Variants in NOTCH1 observed in about 807,000 individuals in gnomAD.
The protein encoded by NOTCH1 is notch receptor 1.
In NOTCH1, 37 loss-of-function variants were observed where a neutral mutation model predicts 254.8. That is an observed-to-expected ratio of 0.15 (90% confidence interval 0.11 to 0.19). NOTCH1 has a LOEUF of 0.19. Among genes scored for constraint, NOTCH1 ranks in the 10% least tolerant of loss-of-function variants. The pLI, the probability that NOTCH1 is intolerant of heterozygous loss-of-function variation, is 1.00. For missense variants in NOTCH1, 2,972 were observed against 3,708.6 expected, an observed-to-expected ratio of 0.80 and a Z score of 5.16; for synonymous variants, 1,731 against 1,618.1, an observed-to-expected ratio of 1.07 and a Z score of -1.68.
intron 2 of NOTCH1, among the ~76,000 whole-genome samples, chr9:136,525,053 G>A (rs1589073490): frequency 6.6e-6 from 1 of 152,298 alleles, no homozygotes; most frequent in East Asian, 1.9e-4. Context: ...TCAGCCCCCA[G>A]ACACGTTTCC....
In NOTCH1 at chr9:136,531,766, T is replaced by C. The variant is rs1002499772; in HGVS notation, c.141-7787A>G. Among the ~76,000 whole-genome samples, 7 of 152,052 alleles carry C rather than the reference T, an allele frequency of 4.6e-5. No individual in the cohort carries two copies. In the East Asian group the frequency reaches 1.4e-3, roughly 29 times the overall value. On this transcript the variant is annotated intron_variant, in intron 2 of 33. Coordinates refer to ENST00000651671, the MANE Select transcript of NOTCH1 (RefSeq NM_017617.5). ...GGGGCAGACGCCGCCCTCCTGCGCC[T>C]CCTCCCGCCTGTCCCGGGAAACCAC...
At chr9:136,541,743 T>C (rs1843735819) in intron 2 of NOTCH1, among the ~76,000 whole-genome samples, 1 of 152,186 alleles carries the variant, frequency 6.6e-6, no homozygotes, top group African/African-American at 2.4e-5. Context: ...CCCAGACTGC[T>C]GTGTGAGCCC....
chr9:136,507,550 C>G (rs1843108503), intron 21 of NOTCH1, 113 bp from the exon 22 acceptor site: 1 of 1,439,792 alleles, frequency 6.9e-7, no homozygotes, highest in African/African-American at 1.4e-5. Context: ...TCAGGTCCAG[C>G]GAAGCCACGG....
chr9:136,511,861 G>A (rs9411253), intron 15 of NOTCH1, among the ~76,000 whole-genome samples: 2 of 152,160 alleles, frequency 1.3e-5, no homozygotes, highest in African/African-American at 4.8e-5. Context: ...GGCCACGCAG[G>A]GTGTCTGGCA....
intron 4 of NOTCH1, among the ~76,000 whole-genome samples, chr9:136,520,461 C>A (rs1200479541): frequency 6.6e-6 from 1 of 152,122 alleles, no homozygotes; most frequent in African/African-American, 2.4e-5. Flanking sequence ...AGCCCTGGCG[C>A]GGTGGCTCAC....
chr9:136,497,750 A>G (rs1441423997), intron 33 of NOTCH1, among the ~76,000 whole-genome samples, 192 bp from the exon 34 acceptor site: 1 of 152,048 alleles, frequency 6.6e-6, no homozygotes, highest in East Asian at 1.9e-4. Flanking sequence ...TAAGGCTTTG[A>G]TACATCTTCT....
rs11574874 is a variant in NOTCH1 at position 136,522,702 on chromosome 9, C to T, written c.742+148G>A. On this transcript the variant is annotated intron_variant, in intron 4 of 33. Coordinates refer to ENST00000651671, the MANE Select transcript of NOTCH1 (RefSeq NM_017617.5). The stretch of plus-strand genomic sequence containing the variant: ...CCAGACGCGTCCCCCCGACACCACA[C>T]GCAGTCTGGGGAACTCGCCATCCCG... 9.2e-3 allele frequency: 6,908 copies of T among 749,518 alleles called. 39 individuals carry two copies. Among genetic ancestry groups the T allele is most frequent in the Non-Finnish European group, 0.012 (5,733 of 478,376 alleles). 46.4% of individuals were successfully genotyped at this position (749,518 alleles called of 1,614,324 possible). A position where few individuals can be genotyped will look rare whatever the true frequency, so the allele number is the denominator to read the frequency against.
In NOTCH1 at chr9:136,546,008, C is replaced by CCCCGCGG. The variant is rs1250655732; in HGVS notation, c.-223_-222insCCGCGGG. Among the ~76,000 whole-genome samples, 1 of 149,208 alleles carries CCCCGCGG rather than the reference C, an allele frequency of 6.7e-6. No homozygotes were observed. The highest frequency in any genetic ancestry group is 2.4e-5 in the African/African-American group (1 of 41,116). On this transcript the variant is annotated 5_prime_UTR_variant, in exon 1 of 34. Transcript: ENST00000651671. ...CTCGCGCCCGCGCCCGCGCCCCGCG[C>CCCCGCGG]CCCGCGCCCTTGCGCTCCCTCCCGC...
chr9:136,518,438 G>T lies in NOTCH1; in HGVS notation c.1100-146C>A. ...CATCCCGTGACACTTGGGACGTTCC[G>T]GGGGACTCACAGCGACCACCGGCCT... On this transcript the variant is annotated intron_variant, in intron 6 of 33. Coordinates refer to ENST00000651671, the MANE Select transcript of NOTCH1 (RefSeq NM_017617.5). The T allele has an allele frequency of 3.3e-6, 4 of 1,194,132 alleles. 1 individual carries two copies. In the South Asian group the frequency reaches 5.2e-5, roughly 16 times the overall value. 74.0% of individuals were successfully genotyped at this position (1,194,132 alleles called of 1,614,324 possible).
intron 8 of NOTCH1, 81 bp from the exon 9 acceptor site, chr9:136,517,466 C>G: frequency 9.7e-7 from 1 of 1,031,864 alleles, no homozygotes; most frequent in Admixed American, 2.0e-5. Context: ...GGGACAGAAA[C>G]GAACCCTGCC....
In NOTCH1 at chr9:136,496,589, G is replaced by C. The variant is rs375119074; in HGVS notation, c.7150C>G (p.Gln2384Glu). ...ATQPHLVQTQ[Q>E]VQPQNLQMQQ... Reference sequence around the variant, plus strand: ...ATCTGTAAGTTTTGTGGCTGCACCTGCTGGGTCTGCACCAGGTGAGGCTGG... The same window carrying C: ...ATCTGTAAGTTTTGTGGCTGCACCTCCTGGGTCTGCACCAGGTGAGGCTGG... Residue 2384 changes from glutamine to glutamate, a missense_variant, in exon 34 of 34, where the codon CAG (glutamine) becomes GAG (glutamate). Gln to Glu is a conservative substitution (Grantham distance 29). This residue lies in a region of NOTCH1 where 529 missense variants were observed against 529.2 expected (regional missense o/e 1.00). Transcript: ENST00000651671. The C allele has an allele frequency of 1.3e-5, 21 of 1,612,516 alleles. No individual in the cohort carries two copies. Among genetic ancestry groups the C allele is most frequent in the Non-Finnish European group, 1.7e-5 (20 of 1,180,002 alleles).
chr9:136,498,670 T>A (rs1283844106), intron 33 of NOTCH1, among the ~76,000 whole-genome samples: 1 of 152,156 alleles, frequency 6.6e-6, no homozygotes, highest in Non-Finnish European at 1.5e-5. Context: ...AGCCGCCGTG[T>A]CCTGACAGCT....
At position 136,505,108 on chromosome 9, in the gene NOTCH1, TG is replaced by T; in HGVS notation, c.4587-5del. Reference sequence around the variant, plus strand: ...GCAGTACTGGTCGTACAGGGGGCTGTGGGGGGCGGGACACGCTCAGGCCGCC... The same window carrying T: ...GCAGTACTGGTCGTACAGGGGGCTGTGGGGGCGGGACACGCTCAGGCCGCC... On this transcript the variant is annotated splice_region_variant and splice_polypyrimidine_tract_variant and intron_variant, in intron 25 of 33. Coordinates refer to ENST00000651671, the MANE Select transcript of NOTCH1 (RefSeq NM_017617.5). 4 of 1,607,204 alleles carry T rather than the reference TG, an allele frequency of 2.5e-6. No homozygotes were observed. The highest frequency in any genetic ancestry group is 8.5e-7 in the Non-Finnish European group (1 of 1,179,414).
Position 136,518,123 on chromosome 9 carries a change from G to A in NOTCH1, c.1255+14C>T, listed in dbSNP as rs1208037012. ...CCACCCCCACCTGGCCGCACCCCCT[G>A]TGCTGGCACCTACCCAGCGAGCACT... On this transcript the variant is annotated intron_variant, in intron 7 of 33. Coordinates refer to ENST00000651671, the MANE Select transcript of NOTCH1 (RefSeq NM_017617.5). The A allele has an allele frequency of 3.5e-5, 56 of 1,578,584 alleles. No homozygotes were observed. The highest frequency in any genetic ancestry group is 4.4e-5 in the Non-Finnish European group (51 of 1,164,280).
At chr9:136,510,840 G>A (rs199624767) in intron 16 of NOTCH1, 35 bp from the exon 17 acceptor site, 88 of 1,603,214 alleles carry the variant, frequency 5.5e-5, no homozygotes, top group Middle Eastern at 3.4e-4. Context: ...GGTCACCAGC[G>A]GCCCCTGGCC....
In NOTCH1 at chr9:136,506,492, G is replaced by A. The variant is rs1250137369; in HGVS notation, c.4014+35C>T. ...GTGGACCTCTCCAGGTGTCTCCCCT[G>A]GCGGGCCCCTGCCTCCCTGCACCCC... is the stretch of plus-strand genomic sequence containing the variant. On this transcript the variant is annotated intron_variant, in intron 24 of 33. Coordinates refer to ENST00000651671, the MANE Select transcript of NOTCH1 (RefSeq NM_017617.5). The surrounding 1 kb of genome is among the most constrained non-coding windows in gnomAD (Gnocchi z 4.5). 1 of 1,544,386 alleles carries A rather than the reference G, an allele frequency of 6.5e-7. No individual in the cohort carries two copies. The highest frequency in any genetic ancestry group is 1.9e-5 in the Admixed American group (1 of 51,332).
chr9:136,513,434 T>C lies in NOTCH1; in HGVS notation c.2311A>G (p.Met771Val), dbSNP rs371117125. 2.5e-6 allele frequency: 4 copies of C among 1,613,062 alleles called. No homozygotes were observed. In the South Asian group the frequency reaches 4.4e-5, roughly 18 times the overall value. ...PCVNGGTCKD[M>V]TSGYVCTCRE... ...CAGGTGCACACGTAGCCACTGGTCA[T>C]GTCTTTGCAGGTGCCGCCGTTGACA... The change falls in exon 14 of 34, where the codon ATG becomes GTG. Residue 771 changes from methionine to valine, a missense_variant. By Grantham distance (21) the Met-to-Val change is conservative. This residue lies in a region of NOTCH1 where 1,343 missense variants were observed against 1,557.0 expected (regional missense o/e 0.86). Transcript: ENST00000651671. The surrounding 1 kb of genome is among the most constrained non-coding windows in gnomAD (Gnocchi z 4.7).
intron 4 of NOTCH1, among the ~76,000 whole-genome samples, chr9:136,522,176 G>A (rs995659327): frequency 2.5e-4 from 38 of 151,946 alleles, no homozygotes; most frequent in Non-Finnish European, 5.0e-4. Context: ...ACGGGGTTTC[G>A]CCGTGTTAGC....
In NOTCH1 at chr9:136,499,243, C is replaced by T; in HGVS notation, c.5951G>A (p.Arg1984Gln). 5 of 1,612,946 alleles carry T rather than the reference C, an allele frequency of 3.1e-6. No individual in the cohort carries two copies. Among genetic ancestry groups the T allele is most frequent in the Non-Finnish European group, 3.4e-6 (4 of 1,180,002 alleles). Residue 1984 changes from arginine to glutamine, a missense_variant, in exon 32 of 34, where the codon CGA becomes CAA. By Grantham distance (43) the Arg-to-Gln change is conservative. Coordinates refer to ENST00000651671, the MANE Select transcript of NOTCH1 (RefSeq NM_017617.5). ...CATGCGGGCATCCAGGTCTGTGGCT[C>T]GGTTCCGGATCAGGATCTGGGCAAC... ...QGVFQILIRN[R>Q]ATDLDARMHD...
Sources: gnomAD v4.1 joint callset for allele counts (sites outside exome capture counted in the v4.1 genomes callset) on GRCh38, gnomAD v4.1.1 for gene constraint, gnomAD v4.1.1 regional missense constraint, Gnocchi (gnomAD v3.1) non-coding constraint, MANE v1.5 for transcripts, NCBI Gene and HGNC (gene_info 2026-07-23, HGNC 2026-07-21) for gene names.